The following PIRT variants were observed in gnomAD, a reference collection of about 807,000 sequenced individuals.
PIRT encodes the protein phosphoinositide interacting regulator of transient receptor potential channels, also known as phosphoinositide-interacting protein.
Under a neutral mutation model 7.9 loss-of-function variants are expected in PIRT, and 6 were observed. That is an observed-to-expected ratio of 0.76 (90% CI 0.42 to 1.51). PIRT has a LOEUF of 1.51. Among genes scored for constraint, PIRT ranks in the 40% most tolerant of loss-of-function variants. The pLI is 0.01. For missense variants in PIRT, 170 were observed against 172.9 expected, an observed-to-expected ratio of 0.98 and a Z score of 0.09; for synonymous variants, 78 against 71.8, an observed-to-expected ratio of 1.09 and a Z score of -0.44.
chr17:10,829,807 G>A (rs971716639), intron 1 of PIRT, among the ~76,000 whole-genome samples: 1 of 152,116 alleles, frequency 6.6e-6, no homozygotes, highest in Non-Finnish European at 1.5e-5. Flanking sequence ...TCAGTTCGAA[G>A]GACTATTTTT....
Position 10,837,297 on chromosome 17 carries a change from G to T in PIRT, c.-139+648C>A, listed in dbSNP as rs146843777. 1.3e-5 allele frequency among the ~76,000 whole-genome samples: 2 copies of T among 152,198 alleles called. 1 individual carries two copies. Among genetic ancestry groups the T allele is most frequent in the South Asian group, 4.1e-4 (2 of 4,830 alleles). On this transcript the variant is annotated intron_variant, in intron 1 of 1. Coordinates refer to ENST00000580256, the MANE Select transcript of PIRT (RefSeq NM_001101387.2). ...CTTTACCCGGATGCAGGGTTCTCAC[G>T]GCACACAGTTGCCTGACTGAGCCAC...
chr17:10,837,247 C>T (rs975478442), intron 1 of PIRT, among the ~76,000 whole-genome samples: 8 of 152,242 alleles, frequency 5.3e-5, no homozygotes, highest in African/African-American at 9.6e-5. Context: ...ATAGCTCGGG[C>T]GATTGCGTGT....
rs1222266038 is a variant in PIRT, at chr17:10,822,727, C to T, written c.*2505G>A. The T allele has an allele frequency of 6.6e-6, 1 of 152,206 alleles. No homozygotes were observed. Among genetic ancestry groups the T allele is most frequent in the Non-Finnish European group, 1.5e-5 (1 of 68,026 alleles). 9.4% of individuals were successfully genotyped at this position (152,206 alleles called of 1,614,324 possible). On this transcript the variant is annotated 3_prime_UTR_variant, in exon 2 of 2. Transcript: ENST00000580256. ...CGTACCTCAGCCTTCCATGGGGTAA[C>T]AGGCATTGGCAAAAAATGTCCTGCC...
intron 1 of PIRT, among the ~76,000 whole-genome samples, chr17:10,826,141 C>T (rs1340178549): frequency 2.0e-5 from 3 of 152,046 alleles, no homozygotes; most frequent in African/African-American, 7.2e-5. Context: ...TTTGTGTATT[C>T]TTAGTAGAGA....
intron 1 of PIRT, among the ~76,000 whole-genome samples, chr17:10,828,280 G>A (rs541226377): frequency 6.6e-6 from 1 of 152,216 alleles, no homozygotes; most frequent in South Asian, 2.1e-4. Flanking sequence ...TCCCTTGCCT[G>A]CTTGGGATGA....
chr17:10,825,072 G>T lies in PIRT; in HGVS notation c.*160C>A, dbSNP rs1420520912. On this transcript the variant is annotated 3_prime_UTR_variant, in exon 2 of 2. Coordinates refer to ENST00000580256, the MANE Select transcript of PIRT (RefSeq NM_001101387.2). ...GATACATCTGGCAACATTCCCGGCT[G>T]CATGGAGGGTGGAGCCCCAAGCTCT... The T allele has an allele frequency of 1.1e-6, 1 of 903,648 alleles. No individual in the cohort carries two copies. Among genetic ancestry groups the T allele is most frequent in the Non-Finnish European group, 1.6e-6 (1 of 606,840 alleles). The allele number at this position is 903,648 out of a possible 1,614,324, so 56.0% of individuals were successfully genotyped here.
intron 1 of PIRT, among the ~76,000 whole-genome samples, chr17:10,832,626 T>A (rs1382290974): frequency 6.6e-6 from 1 of 152,232 alleles, no homozygotes; most frequent in Non-Finnish European, 1.5e-5. Context: ...TTAAAAGATA[T>A]AACTAAATGC....
At chr17:10,827,634 G>A (rs1037433338) in intron 1 of PIRT, among the ~76,000 whole-genome samples, 7 of 151,258 alleles carry the variant, frequency 4.6e-5, no homozygotes, top group Middle Eastern at 3.2e-3. Flanking sequence ...ACCACCACAC[G>A]CAGCTAATTT....
At position 10,824,206 on chromosome 17, in the gene PIRT, T is replaced by C. The variant is rs915622172; in HGVS notation, c.*1026A>G. The C allele has an allele frequency of 6.6e-6, 1 of 152,246 alleles. No individual in the cohort carries two copies. The highest frequency in any genetic ancestry group is 1.5e-5 in the Non-Finnish European group (1 of 68,048). The allele number at this position is 152,246 out of a possible 1,614,324, so 9.4% of individuals were successfully genotyped here. A position where few individuals can be genotyped will look rare whatever the true frequency, so the allele number is the denominator to read the frequency against. On this transcript the variant is annotated 3_prime_UTR_variant, in exon 2 of 2. Coordinates refer to ENST00000580256, the MANE Select transcript of PIRT (RefSeq NM_001101387.2). ...GTGTCTTGCCCCCAGCCAGGGCTTATCCCAGAATGCGACACTTAATAAATG... is the reference window on the plus strand; with the variant it reads ...GTGTCTTGCCCCCAGCCAGGGCTTACCCCAGAATGCGACACTTAATAAATG...
chr17:10,823,785 C>T lies in PIRT; in HGVS notation c.*1447G>A, dbSNP rs1905253976. 1 of 152,200 alleles carries T rather than the reference C, an allele frequency of 6.6e-6. No homozygotes were observed. The highest frequency in any genetic ancestry group is 6.5e-5 in the Admixed American group (1 of 15,278). The allele number at this position is 152,200 out of a possible 1,614,324, so 9.4% of individuals were successfully genotyped here. The stretch of plus-strand genomic sequence containing the variant: ...CTGGAAACCCACTTCCCGTCTCTAC[C>T]ATAGACACCAGGAGGCCCTCAATGT... On this transcript the variant is annotated 3_prime_UTR_variant, in exon 2 of 2. Coordinates refer to ENST00000580256, the MANE Select transcript of PIRT (RefSeq NM_001101387.2).
rs1905259636 is a variant in PIRT, at chr17:10,823,988, T to C, written c.*1244A>G. On this transcript the variant is annotated 3_prime_UTR_variant, in exon 2 of 2. Coordinates refer to ENST00000580256, the MANE Select transcript of PIRT (RefSeq NM_001101387.2). Reference sequence around the variant, plus strand: ...GCATAGCAGCTCCTGCTGCTTCCAATGCCATTCTTTCCCCTCTTTGGTAAC... The same window carrying C: ...GCATAGCAGCTCCTGCTGCTTCCAACGCCATTCTTTCCCCTCTTTGGTAAC... The C allele has an allele frequency of 6.6e-6, 1 of 152,296 alleles. No homozygotes were observed. Among genetic ancestry groups the C allele is most frequent in the African/African-American group, 2.4e-5 (1 of 41,472 alleles). The allele number at this position is 152,296 out of a possible 1,614,324, so 9.4% of individuals were successfully genotyped here. A position where few individuals can be genotyped will look rare whatever the true frequency, so the allele number is the denominator to read the frequency against.
chr17:10,827,404 C>A (rs1330050587), intron 1 of PIRT, among the ~76,000 whole-genome samples: 2 of 148,300 alleles, frequency 1.3e-5, no homozygotes, highest in Non-Finnish European at 3.0e-5. Context: ...CAGACCAGTG[C>A]TTTCTCAAAT....
intron 1 of PIRT, among the ~76,000 whole-genome samples, chr17:10,836,303 G>C (rs939646433): frequency 6.6e-6 from 1 of 151,972 alleles, no homozygotes; most frequent in East Asian, 1.9e-4. Flanking sequence ...CCCTACACCT[G>C]TACATCTCCA....
rs968571278 is a variant in PIRT, at chr17:10,825,174, G to C, written c.*58C>G. 2 of 1,571,250 alleles carry C rather than the reference G, an allele frequency of 1.3e-6. No homozygotes were observed. The highest frequency in any genetic ancestry group is 2.7e-5 in the African/African-American group (2 of 74,126). On this transcript the variant is annotated 3_prime_UTR_variant, in exon 2 of 2. Coordinates refer to ENST00000580256, the MANE Select transcript of PIRT (RefSeq NM_001101387.2). Reference sequence around the variant, plus strand: ...CCCCACAGAGGAGACAGGGATGTCGGATGTTGGTCATCAGATCTTCTCCCA... The same window carrying C: ...CCCCACAGAGGAGACAGGGATGTCGCATGTTGGTCATCAGATCTTCTCCCA...
Position 10,827,465 on chromosome 17 carries a change from C to CTTTTTTTTTTTTTTTTTTTTTTTTT in PIRT, c.-138-1707_-138-1683dup, listed in dbSNP as rs546105685. 1.6e-3 allele frequency among the ~76,000 whole-genome samples: 92 copies of CTTTTTTTTTTTTTTTTTTTTTTTTT among 56,302 alleles called. 5 individuals carry two copies. The highest frequency in any genetic ancestry group is 1.8e-3 in the Non-Finnish European group (57 of 31,622). The allele number at this position is 56,302 out of a possible 152,430, so 36.9% of individuals were successfully genotyped here. On this transcript the variant is annotated intron_variant, in intron 1 of 1. Coordinates refer to ENST00000580256, the MANE Select transcript of PIRT (RefSeq NM_001101387.2). ...TCTTTCTTTTCTTTCTTTTTCTTTT[C>CTTTTTTTTTTTTTTTTTTTTTTTTT]TTTTTTTTTTTTTTTTTTTTTTTTT... is the stretch of plus-strand genomic sequence containing the variant.
At chr17:10,829,538 G>A (rs1342349518) in intron 1 of PIRT, among the ~76,000 whole-genome samples, 3 of 152,162 alleles carry the variant, frequency 2.0e-5, no homozygotes, top group African/African-American at 4.8e-5. Flanking sequence ...GGAGCTTGGC[G>A]AACTATACCA....
intron 1 of PIRT, among the ~76,000 whole-genome samples, chr17:10,828,977 T>A (rs915286287): frequency 6.6e-6 from 1 of 152,222 alleles, no homozygotes; most frequent in Admixed American, 6.5e-5. Flanking sequence ...GCACCCAGTG[T>A]GTGCTTCCCT....
chr17:10,828,075 C>T (rs543385595), intron 1 of PIRT, among the ~76,000 whole-genome samples: 48 of 152,332 alleles, frequency 3.2e-4, no homozygotes, highest in African/African-American at 9.1e-4. Flanking sequence ...CCTCTTCCTT[C>T]CACTGGTTGC....
Position 10,823,069 on chromosome 17 carries a change from G to A in PIRT, c.*2163C>T, listed in dbSNP as rs1905240037. On this transcript the variant is annotated 3_prime_UTR_variant, in exon 2 of 2. Transcript: ENST00000580256. ...GGCACCTGGAGTGTGGGTTTCCAGT[G>A]AGTGATCTGGGGCCCATCCCATTTG... The A allele has an allele frequency of 6.6e-6, 1 of 152,300 alleles. No homozygotes were observed. The highest frequency in any genetic ancestry group is 1.9e-4 in the East Asian group (1 of 5,184). 9.4% of individuals were successfully genotyped at this position (152,300 alleles called of 1,614,324 possible).
Sources: gnomAD v4.1 joint callset for allele counts (sites outside exome capture counted in the v4.1 genomes callset) on GRCh38, gnomAD v4.1.1 for gene constraint, MANE v1.5 for transcripts, NCBI Gene and HGNC (gene_info 2026-07-23, HGNC 2026-07-21) for gene names.